STK32B: variants seen among roughly 807,000 people sequenced by gnomAD.
STK32B encodes the protein serine/threonine kinase 32B.
A neutral mutation model predicts 52.6 loss-of-function variants in STK32B; 43 were observed. The ratio of observed to expected loss-of-function variants is 0.82; its 90% confidence interval spans 0.64 to 1.05. STK32B has a LOEUF of 1.05. STK32B is among the 50% of genes least tolerant of loss of function. The pLI is 0.00. For synonymous variants in STK32B, 238 were observed against 204.3 expected, an observed-to-expected ratio of 1.17 and a Z score of -1.41; for missense variants, 621 against 534.6, an observed-to-expected ratio of 1.16 and a Z score of -1.59.
At chr4:5,179,238 C>G (rs114118985) in intron 3 of STK32B, among the ~76,000 whole-genome samples, 1,985 of 152,262 alleles carry the variant, frequency 0.013, 39 homozygotes, top group African/African-American at 0.045. Flanking sequence ...TGTGAGAACT[C>G]ACTCACTCAC....
At chr4:5,063,004 G>T (rs1439691110) in intron 1 of STK32B, among the ~76,000 whole-genome samples, 1 of 152,056 alleles carries the variant, frequency 6.6e-6, no homozygotes, top group Non-Finnish European at 1.5e-5. Context: ...GACACTGATT[G>T]CACTGTACTG....
At chr4:5,311,362 G>C (rs1271319570) in intron 3 of STK32B, among the ~76,000 whole-genome samples, 1 of 151,878 alleles carries the variant, frequency 6.6e-6, no homozygotes, top group Non-Finnish European at 1.5e-5. Flanking sequence ...CAATTACTGT[G>C]GGTCAATTAA....
rs531254591 is a variant in STK32B, at chr4:5,226,105, T to C, written c.260+57655T>C. On this transcript the variant is annotated intron_variant, in intron 3 of 11. Coordinates refer to ENST00000282908, the MANE Select transcript of STK32B (RefSeq NM_018401.3). ...GATTAAATAAGGACATTTTCAGTTG[T>C]GAAGGGATGCACTCAGGTTCTAAAT... Among the ~76,000 whole-genome samples the C allele has an allele frequency of 3.3e-5, 5 of 152,338 alleles. No individual in the cohort carries two copies. In the South Asian group the frequency reaches 1.0e-3, roughly 32 times the overall value.
chr4:5,398,242 A>G lies in STK32B; in HGVS notation c.470A>G (p.His157Arg), dbSNP rs1451090370. The G allele has an allele frequency of 1.2e-6, 2 of 1,613,994 alleles. No individual in the cohort carries two copies. Among genetic ancestry groups the G allele is most frequent in the Admixed American group, 3.3e-5 (2 of 60,004 alleles). Residue 157 changes from histidine (H) to arginine (R), a missense_variant and splice_region_variant, in exon 5 of 12, where the codon CAC (histidine) becomes CGC (arginine). Physicochemically the swap from His to Arg is conservative, Grantham distance 29. Coordinates refer to ENST00000282908, the MANE Select transcript of STK32B (RefSeq NM_018401.3). The surrounding 1 kb of genome is among the most constrained non-coding windows in gnomAD (Gnocchi z 4.9). ...CCAGACAATATCCTGCTGGATGAACACGGTAAGCCTGCTACTAATCCTTTA... is the reference window on the plus strand; with the variant it reads ...CCAGACAATATCCTGCTGGATGAACGCGGTAAGCCTGCTACTAATCCTTTA... ...IKPDNILLDE[H>R]GHVHITDFNI...
intron 2 of STK32B, among the ~76,000 whole-genome samples, chr4:5,167,022 C>T (rs1718923791): frequency 6.6e-6 from 1 of 152,166 alleles, no homozygotes; most frequent in African/African-American, 2.4e-5. Flanking sequence ...CAGCCCTGCT[C>T]ACTTTTCCTG....
intron 1 of STK32B, among the ~76,000 whole-genome samples, chr4:5,138,514 G>A (rs906876993): frequency 2.6e-5 from 4 of 152,136 alleles, no homozygotes; most frequent in African/African-American, 9.7e-5. Flanking sequence ...TATGAATATG[G>A]AGATTAGTTC....
chr4:5,377,492 G>A (rs1253730153), intron 4 of STK32B, among the ~76,000 whole-genome samples: 1 of 152,096 alleles, frequency 6.6e-6, no homozygotes, highest in African/African-American at 2.4e-5. Flanking sequence ...TATTTTAAAG[G>A]AGGACTTTAT....
At chr4:5,418,787 A>G (rs1163732629) in intron 6 of STK32B, among the ~76,000 whole-genome samples, 2 of 152,238 alleles carry the variant, frequency 1.3e-5, no homozygotes, top group Non-Finnish European at 2.9e-5. Context: ...ATATTGAATT[A>G]AACAACCAAA....
chr4:5,249,953 T>A (rs1725796064), intron 3 of STK32B, among the ~76,000 whole-genome samples: 2 of 152,180 alleles, frequency 1.3e-5, no homozygotes, highest in South Asian at 4.1e-4. Flanking sequence ...TTCCCTTCTT[T>A]GTATCCATGT....
chr4:5,169,644 A>C (rs575428151), intron 3 of STK32B, among the ~76,000 whole-genome samples: 4 of 151,892 alleles, frequency 2.6e-5, no homozygotes, highest in Non-Finnish European at 5.9e-5. Context: ...CTGGAGTCTC[A>C]GTATCCACCG....
At chr4:5,051,251 C>A (rs575855510), upstream of STK32B, among the ~76,000 whole-genome samples, 18 of 152,242 alleles carry the variant, frequency 1.2e-4, no homozygotes, top group South Asian at 3.7e-3. Flanking sequence ...TTTCTTACTG[C>A]TGGGTTGTCG....
At chr4:5,114,195 C>G (rs900379168) in intron 1 of STK32B, among the ~76,000 whole-genome samples, 2 of 151,828 alleles carry the variant, frequency 1.3e-5, no homozygotes, top group African/African-American at 4.8e-5. Context: ...CTTCCCATCT[C>G]AGTGTCTTTG....
chr4:5,432,250 T>C (rs193183057), intron 6 of STK32B: 1 of 152,360 alleles, frequency 6.6e-6, no homozygotes, highest in Non-Finnish European at 1.5e-5. Context: ...TTAAGTTCTT[T>C]GCCACTATGA....
At chr4:5,255,096 A>G (rs1444689618) in intron 3 of STK32B, among the ~76,000 whole-genome samples, 1 of 152,160 alleles carries the variant, frequency 6.6e-6, no homozygotes, top group Non-Finnish European at 1.5e-5. Context: ...ATATTAATCA[A>G]TTAAACAGCA....
intron 3 of STK32B, among the ~76,000 whole-genome samples, chr4:5,174,266 T>C (rs1006671499): frequency 6.6e-6 from 1 of 152,184 alleles, no homozygotes; most frequent in Non-Finnish European, 1.5e-5. Flanking sequence ...GTTTGCCAGT[T>C]TGTGTTTTTT....
chr4:5,462,016 G>C (rs937693704), intron 9 of STK32B, among the ~76,000 whole-genome samples: 1 of 152,176 alleles, frequency 6.6e-6, no homozygotes, highest in Non-Finnish European at 1.5e-5. Flanking sequence ...GCTCTCTGCT[G>C]TTCTCCCAAT....
At chr4:5,486,472 T>G (rs1719216084) in intron 11 of STK32B, among the ~76,000 whole-genome samples, 1 of 152,242 alleles carries the variant, frequency 6.6e-6, no homozygotes, top group African/African-American at 2.4e-5. Flanking sequence ...ATTTTCCAGG[T>G]GCCATCTGTC....
chr4:5,192,800 T>A (rs7681633), intron 3 of STK32B, among the ~76,000 whole-genome samples: 12,432 of 152,192 alleles, frequency 0.082, 1,347 homozygotes, highest in African/African-American at 0.25. Flanking sequence ...GTTGTCACCA[T>A]GCTGTACATT....
chr4:5,049,065 A>T (rs1043798778), upstream of STK32B, among the ~76,000 whole-genome samples: 1 of 152,246 alleles, frequency 6.6e-6, no homozygotes, highest in African/African-American at 2.4e-5. Context: ...ATCTCCCAGC[A>T]TCTGCAAAGT....
Sources: gnomAD v4.1 joint callset for allele counts (sites outside exome capture counted in the v4.1 genomes callset) on GRCh38, gnomAD v4.1.1 for gene constraint, Gnocchi (gnomAD v3.1) non-coding constraint, MANE v1.5 for transcripts, NCBI Gene and HGNC (gene_info 2026-07-23, HGNC 2026-07-21) for gene names.